The following SH3BP5 variants were observed in gnomAD, a reference collection of about 807,000 sequenced individuals.
SH3BP5 encodes SH3 domain binding protein 5, also known as SH3 domain-binding protein 5.
A neutral mutation model predicts 43.3 loss-of-function variants in SH3BP5; 22 were observed. The ratio of observed to expected loss-of-function variants is 0.51; its 90% confidence interval spans 0.36 to 0.73. The LOEUF is 0.73. Among genes scored for constraint, SH3BP5 ranks in the 30% least tolerant of loss-of-function variants. SH3BP5 has a pLI of 0.00. For missense variants in SH3BP5, 529 were observed against 586.9 expected (o/e 0.90, Z 1.02); for synonymous variants, 255 against 225.8 (o/e 1.13, Z -1.16).
At chr3:15,265,439 C>T (rs79539341) in intron 4 of SH3BP5, among the ~76,000 whole-genome samples, 8,130 of 150,488 alleles carry the variant, frequency 0.054, 511 homozygotes, top group African/African-American at 0.14. Context: ...AAGCTTGAAC[C>T]TGGGAGGTGG....
At chr3:15,296,341 T>TATATACACACACACAC (rs1553616951) in intron 3 of SH3BP5, among the ~76,000 whole-genome samples, 4 of 146,262 alleles carry the variant, frequency 2.7e-5, no homozygotes, top group African/African-American at 1.0e-4. Flanking sequence ...GGAAATCATA[T>TATATACACACACACAC]ACACACACAC....
intron 3 of SH3BP5, among the ~76,000 whole-genome samples, chr3:15,276,486 A>G (rs1332029494): frequency 1.3e-5 from 2 of 152,178 alleles, no homozygotes; most frequent in African/African-American, 4.8e-5. Flanking sequence ...TCACCAGACA[A>G]TTGGACGGTC....
Position 15,256,953 on chromosome 3 carries a change from G to A in SH3BP5, c.1050C>T (p.Pro350=), listed in dbSNP as rs146931519. The change falls in exon 8 of 9, where the codon CCC becomes CCT. Residue 350 remains proline (P), a synonymous_variant. Transcript: ENST00000383791. ...AVVRPGSLDL[P]SPVSLSEFGM... ...CAAACTCTGACAGGGACACAGGGCTGGGCAGATCCAGGCTGCCAGGCCTCA... is the reference window on the plus strand; with the variant it reads ...CAAACTCTGACAGGGACACAGGGCTAGGCAGATCCAGGCTGCCAGGCCTCA... 920 of 1,614,192 alleles carry A rather than the reference G, an allele frequency of 5.7e-4. 6 individuals are homozygous for A. The Admixed American group carries it at 0.012, about 21-fold the overall frequency.
chr3:15,265,800 A>C (rs1696626132), intron 4 of SH3BP5, among the ~76,000 whole-genome samples: 1 of 151,554 alleles, frequency 6.6e-6, no homozygotes, highest in Non-Finnish European at 1.5e-5. Context: ...GGAGCAGCAT[A>C]CTCCGGAGAT....
chr3:15,339,381 A>T (rs17482502), intron 1 of SH3BP5, among the ~76,000 whole-genome samples: 2 of 152,056 alleles, frequency 1.3e-5, no homozygotes, highest in Admixed American at 1.3e-4. Flanking sequence ...GATATTTAGG[A>T]TGGTGCTGGA....
chr3:15,263,877 G>A lies in SH3BP5; in HGVS notation c.496-1588C>T, dbSNP rs148727484. Reference sequence around the variant, plus strand: ...TAAACCGGAGAGACAGTAGAGGTTAGGCTAAAGGGTTATTCTCTAATTCTG... The same window carrying A: ...TAAACCGGAGAGACAGTAGAGGTTAAGCTAAAGGGTTATTCTCTAATTCTG... On this transcript the variant is annotated intron_variant, in intron 4 of 8. Transcript: ENST00000383791. Among the ~76,000 whole-genome samples, 815 of 152,334 alleles carry A rather than the reference G, an allele frequency of 5.4e-3. 8 individuals are homozygous for A. The highest frequency in any genetic ancestry group is 0.019 in the African/African-American group (782 of 41,570).
chr3:15,268,955 T>C (rs1696719665), intron 4 of SH3BP5, among the ~76,000 whole-genome samples: 1 of 152,174 alleles, frequency 6.6e-6, no homozygotes, highest in Non-Finnish European at 1.5e-5. Flanking sequence ...ACCAATGTCC[T>C]ACCTACCAAT....
At chr3:15,322,202 CA>C (rs201133062) in intron 2 of SH3BP5, among the ~76,000 whole-genome samples, 20 of 143,612 alleles carry the variant, frequency 1.4e-4, no homozygotes, top group Non-Finnish European at 1.7e-4. Context: ...GACTCCATCT[CA>C]AAAAAAAAAA....
chr3:15,317,538 G>C (rs1171192737), intron 2 of SH3BP5, among the ~76,000 whole-genome samples: 2 of 152,154 alleles, frequency 1.3e-5, no homozygotes, highest in Non-Finnish European at 2.9e-5. Flanking sequence ...GGGGTGCGGG[G>C]GAGTGAGGTA....
At chr3:15,315,073 C>G (rs1016414742) in intron 2 of SH3BP5, among the ~76,000 whole-genome samples, 2 of 152,040 alleles carry the variant, frequency 1.3e-5, no homozygotes, top group African/African-American at 4.8e-5. Context: ...GAGAGATGGC[C>G]CGGGTTCCTG....
intron 4 of SH3BP5, among the ~76,000 whole-genome samples, chr3:15,267,630 C>T (rs1346181675): frequency 2.6e-5 from 4 of 152,184 alleles, no homozygotes; most frequent in Non-Finnish European, 5.9e-5. Context: ...CCCTATGAAG[C>T]CCTCATGACC....
chr3:15,276,506 G>A (rs988682), intron 3 of SH3BP5, among the ~76,000 whole-genome samples: 60,049 of 152,020 alleles, frequency 0.4, 13,420 homozygotes, highest in African/African-American at 0.62. Flanking sequence ...CTCCCCGCCA[G>A]CAATACATGG....
intron 3 of SH3BP5, among the ~76,000 whole-genome samples, chr3:15,277,596 C>G (rs12634507): frequency 0.13 from 19,056 of 152,126 alleles, 1,370 homozygotes; most frequent in East Asian, 0.27. Context: ...CCCCACCACA[C>G]AGTCTCACCT....
chr3:15,297,359 G>C (rs1320355226), intron 3 of SH3BP5, among the ~76,000 whole-genome samples: 3 of 152,108 alleles, frequency 2.0e-5, no homozygotes, highest in Non-Finnish European at 4.4e-5. Context: ...GCCAGGAGAG[G>C]CCTGTTTCCT....
intron 5 of SH3BP5, 45 bp downstream of exon 5, chr3:15,262,114 C>A: frequency 6.2e-7 from 1 of 1,609,572 alleles, no homozygotes; most frequent in Non-Finnish European, 8.5e-7. Context: ...AAGATGCAGA[C>A]TAGGACAGCC....
intron 3 of SH3BP5, among the ~76,000 whole-genome samples, chr3:15,287,446 C>T (rs1432395781): frequency 1.3e-5 from 2 of 152,100 alleles, no homozygotes; most frequent in Non-Finnish European, 2.9e-5. Flanking sequence ...TCATTTTAAT[C>T]CAGCAAAGGG....
chr3:15,332,527 G>A lies in SH3BP5; in HGVS notation c.-119C>T. On this transcript the variant is annotated 5_prime_UTR_variant, in exon 1 of 9. Coordinates refer to ENST00000383791, the MANE Select transcript of SH3BP5 (RefSeq NM_004844.5). ...CGGGCACGGTCGGGGAGCCGCCGGG[G>A]CCGACACCCGGGAGACGCAGCTCGC... The A allele has an allele frequency of 8.0e-7, 1 of 1,250,332 alleles. No homozygotes were observed. Among genetic ancestry groups the A allele is most frequent in the Non-Finnish European group, 1.0e-6 (1 of 1,000,530 alleles). 77.5% of individuals were successfully genotyped at this position (1,250,332 alleles called of 1,614,324 possible).
intron 1 of SH3BP5, among the ~76,000 whole-genome samples, chr3:15,337,966 C>A (rs1698722254): frequency 6.6e-6 from 1 of 150,696 alleles, no homozygotes; most frequent in South Asian, 2.1e-4. Flanking sequence ...CAAGTCAATC[C>A]CTCATTGTGA....
In SH3BP5 at chr3:15,255,839, C is replaced by T. The variant is rs146742467; in HGVS notation, c.*247G>A. 4.9e-5 allele frequency: 22 copies of T among 447,796 alleles called. No homozygotes were observed. Among genetic ancestry groups the T allele is most frequent in the Admixed American group, 2.4e-4 (6 of 25,140 alleles). 27.7% of individuals were successfully genotyped at this position (447,796 alleles called of 1,614,324 possible). A position where few individuals can be genotyped will look rare whatever the true frequency, so the allele number is the denominator to read the frequency against. On this transcript the variant is annotated 3_prime_UTR_variant, in exon 9 of 9. Coordinates refer to ENST00000383791, the MANE Select transcript of SH3BP5 (RefSeq NM_004844.5). ...TTATTGCTTCCACAATGCCGTTATA[C>T]GGAATGTTCCACAAAGGCTGTGAAC...
Sources: gnomAD v4.1 joint callset for allele counts (sites outside exome capture counted in the v4.1 genomes callset) on GRCh38, gnomAD v4.1.1 for gene constraint, MANE v1.5 for transcripts, NCBI Gene and HGNC (gene_info 2026-07-23, HGNC 2026-07-21) for gene names.